DMD: variants seen among roughly 807,000 people sequenced by gnomAD.
The protein encoded by DMD is mutant dystrophin.
In DMD, 63 loss-of-function variants were observed where a neutral mutation model predicts 330.1. That is an observed-to-expected ratio of 0.19 (90% CI 0.16 to 0.24). The LOEUF (loss-of-function observed/expected upper bound fraction) is 0.24, where lower values mean the gene tolerates loss of function less well. Among genes scored for constraint, DMD ranks in the 10% least tolerant of loss-of-function variants. The probability of loss-of-function intolerance (pLI) is 1.00; values close to 1 mark genes in which losing one functional copy is unlikely to be tolerated. For missense variants in DMD, 3,344 were observed against 2,684.1 expected (o/e 1.25, Z -5.43); for synonymous variants, 1,223 against 959.8 (o/e 1.27, Z -5.07).
intron 54 of DMD, among the ~76,000 whole-genome samples, chrX:31,649,579 G>T (rs1486642080): frequency 1.9e-5 from 2 of 107,543 alleles, no homozygotes; most frequent in East Asian, 2.9e-4. Flanking sequence ...AGAATGCAGA[G>T]AATTTTTTTT....
At chrX:33,144,717 A>C (rs2047947161) in intron 1 of DMD, among the ~76,000 whole-genome samples, 1 of 111,483 alleles carries the variant, frequency 9.0e-6, no homozygotes, top group African/African-American at 3.3e-5. Flanking sequence ...CACAGAGAGC[A>C]AAAGGGTGAT....
intron 30 of DMD, among the ~76,000 whole-genome samples, chrX:32,401,456 C>G (rs1186898408): frequency 1.8e-5 from 2 of 111,401 alleles, no homozygotes; most frequent in Admixed American, 9.6e-5. Flanking sequence ...GTGAAATAAG[C>G]CAGTCACAGA....
chrX:32,018,726 A>G (rs770215267), intron 44 of DMD, among the ~76,000 whole-genome samples: 4 of 111,936 alleles, frequency 3.6e-5, no homozygotes, highest in Non-Finnish European at 7.5e-5. Context: ...TATCCCTCCA[A>G]TGAGAAGACA....
intron 2 of DMD, among the ~76,000 whole-genome samples, chrX:32,965,266 C>A (rs144934730): frequency 9.0e-6 from 1 of 110,690 alleles, no homozygotes; most frequent in Non-Finnish European, 1.9e-5. Flanking sequence ...CCAAGGTGGG[C>A]GGATCATTTG....
chrX:32,775,950 C>T (rs1265587877), intron 7 of DMD, among the ~76,000 whole-genome samples: 1 of 112,195 alleles, frequency 8.9e-6, no homozygotes. Context: ...CAGATAATCT[C>T]TCTGTGAACG....
chrX:31,199,666 A>G (rs1320545372), intron 67 of DMD, among the ~76,000 whole-genome samples: 1 of 112,298 alleles, frequency 8.9e-6, no homozygotes, highest in Non-Finnish European at 1.9e-5. Context: ...TGTCTGAATC[A>G]GAAGATTCAG....
intron 1 of DMD, among the ~76,000 whole-genome samples, chrX:33,131,123 G>C (rs1444534155): frequency 9.0e-6 from 1 of 110,573 alleles, no homozygotes; most frequent in Non-Finnish European, 1.9e-5. Context: ...GTAAAATACG[G>C]GTTCTGATTC....
chrX:32,820,684 C>G (rs1236421455), intron 5 of DMD, among the ~76,000 whole-genome samples: 2 of 111,445 alleles, frequency 1.8e-5, no homozygotes, highest in Admixed American at 9.5e-5. Context: ...TCAAAACTTA[C>G]ATCTGTCTTA....
At chrX:31,334,830 C>T (rs1422863582) in intron 61 of DMD, among the ~76,000 whole-genome samples, 4 of 111,984 alleles carry the variant, frequency 3.6e-5, no homozygotes, top group African/African-American at 1.3e-4. Flanking sequence ...CATTCACCAT[C>T]TTTCTTCCTT....
intron 62 of DMD, among the ~76,000 whole-genome samples, chrX:31,271,351 G>A (rs931425299): frequency 9.0e-6 from 1 of 111,690 alleles, no homozygotes; most frequent in African/African-American, 3.3e-5. Context: ...GTGTACTGTT[G>A]GAAGGGTCTT....
At chrX:33,191,215 C>A (rs2050624111) in intron 1 of DMD, among the ~76,000 whole-genome samples, 1 of 104,381 alleles carries the variant, frequency 9.6e-6, no homozygotes, top group Admixed American at 1.1e-4. Context: ...AACTGCAACC[C>A]TCTTACACCT....
At chrX:31,371,933 T>C (rs1371392459) in intron 60 of DMD, among the ~76,000 whole-genome samples, 1 of 112,106 alleles carries the variant, frequency 8.9e-6, no homozygotes, top group Non-Finnish European at 1.9e-5. Flanking sequence ...ACTCGCTAAG[T>C]TTCTGCTTTT....
chrX:32,773,972 A>C (rs1424141380), intron 7 of DMD, among the ~76,000 whole-genome samples: 7 of 111,515 alleles, frequency 6.3e-5, no homozygotes, highest in Non-Finnish European at 1.3e-4. Context: ...ATCCTGGAAC[A>C]GAAGAAATAT....
In DMD at chrX:32,673,404, C is replaced by T. The variant is rs900322376; in HGVS notation, c.960+24466G>A. 2.7e-5 allele frequency among the ~76,000 whole-genome samples: 3 copies of T among 111,140 alleles called. No individual in the cohort carries two copies. In the East Asian group the frequency reaches 8.4e-4, roughly 31 times the overall value. ...CTCTTTAAACCAAGAAAGAAAAAAC[C>T]TCATGCTAATGGTTACTTGTTTTTG... On this transcript the variant is annotated intron_variant, in intron 9 of 78. Coordinates refer to ENST00000357033, the MANE Select transcript of DMD (RefSeq NM_004006.3).
intron 29 of DMD, among the ~76,000 whole-genome samples, chrX:32,427,418 A>T (rs957957158): frequency 9.9e-5 from 11 of 111,136 alleles, no homozygotes; most frequent in Non-Finnish European, 7.6e-5. Context: ...TTAGCATGTA[A>T]ATTTTATTTA....
At chrX:33,017,403 A>C (rs2093823691) in intron 2 of DMD, among the ~76,000 whole-genome samples, 2 of 111,412 alleles carry the variant, frequency 1.8e-5, no homozygotes, top group South Asian at 7.5e-4. Flanking sequence ...ACGACTATAA[A>C]AATGAATATG....
At chrX:33,325,531 A>C (rs2054076978) in intron 1 of DMD, among the ~76,000 whole-genome samples, 6 of 112,389 alleles carry the variant, frequency 5.3e-5, no homozygotes. Context: ...GTGTGCTGGC[A>C]GACTTTGCAG....
chrX:31,687,625 G>T (rs2082773790), intron 52 of DMD, among the ~76,000 whole-genome samples: 1 of 111,809 alleles, frequency 8.9e-6, no homozygotes, highest in South Asian at 3.8e-4. Flanking sequence ...TGGTGTGAGT[G>T]CTAGCTTAGC....
chrX:32,323,382 G>A (rs768630930), intron 41 of DMD, among the ~76,000 whole-genome samples: 21 of 111,483 alleles, frequency 1.9e-4, no homozygotes, highest in African/African-American at 5.8e-4. Context: ...CAAAAAAACA[G>A]TGACAGGAAA....
Sources: gnomAD v4.1 joint callset for allele counts (sites outside exome capture counted in the v4.1 genomes callset) on GRCh38, gnomAD v4.1.1 for gene constraint, MANE v1.5 for transcripts, NCBI Gene and HGNC (gene_info 2026-07-23, HGNC 2026-07-21) for gene names.